ASIC2: variants seen among roughly 807,000 people sequenced by gnomAD.
ASIC2 encodes acid-sensing ion channel 2.
A neutral mutation model predicts 57.3 loss-of-function variants in ASIC2; 25 were observed. The observed-to-expected ratio is 0.44, with a 90% CI of 0.32 to 0.61. The LOEUF is 0.61. Ranked by LOEUF, ASIC2 falls within the 20% of genes least tolerant of loss-of-function variation. ASIC2 has a pLI of 0.06. For missense variants in ASIC2, 641 were observed against 738.1 expected (o/e 0.87, Z 1.52); for synonymous variants, 319 against 307.5 (o/e 1.04, Z -0.39).
intron 1 of ASIC2, among the ~76,000 whole-genome samples, chr17:33,180,632 G>A (rs904555213): frequency 6.6e-6 from 1 of 152,152 alleles, no homozygotes; most frequent in Non-Finnish European, 1.5e-5. Flanking sequence ...GCCTTGGCAG[G>A]GACTTGGGGA....
intron 1 of ASIC2, among the ~76,000 whole-genome samples, chr17:33,202,828 C>T (rs1460636147): frequency 6.6e-6 from 1 of 152,092 alleles, no homozygotes; most frequent in African/African-American, 2.4e-5. Flanking sequence ...CCTTCATTGG[C>T]CTCTCTCTAC....
intron 1 of ASIC2, among the ~76,000 whole-genome samples, chr17:33,660,009 G>A (rs997850988): frequency 4.0e-5 from 6 of 151,726 alleles, no homozygotes; most frequent in African/African-American, 1.5e-4. Context: ...GCTTGAACCC[G>A]GGAGGAGGAG....
Position 33,238,656 on chromosome 17 carries a change from C to T in ASIC2, c.708+52752G>A, listed in dbSNP as rs552806655. 4.6e-5 allele frequency among the ~76,000 whole-genome samples: 7 copies of T among 152,312 alleles called. No homozygotes were observed. The South Asian group carries it at 8.3e-4, about 18-fold the overall frequency. The stretch of plus-strand genomic sequence containing the variant: ...GCCCACTCCTGCCTCAGGGCCTTTG[C>T]GTTTGCTGTTCCCTCTGCCTGGAAT... On this transcript the variant is annotated intron_variant, in intron 1 of 9. Coordinates refer to ENST00000225823, the MANE Select transcript of ASIC2 (RefSeq NM_183377.2).
chr17:34,000,250 A>AT (rs199804905), intron 1 of ASIC2, among the ~76,000 whole-genome samples: 2,165 of 119,170 alleles, frequency 0.018, 31 homozygotes, highest in African/African-American at 0.025. Flanking sequence ...GTGGAGATCT[A>AT]TTTTTTTTTT....
chr17:33,232,328 G>A (rs1908121881), intron 1 of ASIC2, among the ~76,000 whole-genome samples: 1 of 152,142 alleles, frequency 6.6e-6, no homozygotes, highest in Admixed American at 6.5e-5. Context: ...AGCCTTCCCA[G>A]TCTCCAAATC....
chr17:33,057,107 C>T (rs1284629806), intron 3 of ASIC2, among the ~76,000 whole-genome samples: 1 of 152,104 alleles, frequency 6.6e-6, no homozygotes, highest in African/African-American at 2.4e-5. Context: ...TATTAGGGCC[C>T]TGGGCACTGA....
chr17:33,249,972 T>G (rs1362976157), intron 1 of ASIC2, among the ~76,000 whole-genome samples: 1 of 152,062 alleles, frequency 6.6e-6, no homozygotes, highest in Non-Finnish European at 1.5e-5. Context: ...GGGTCTGACT[T>G]CACAGGCCAG....
intron 1 of ASIC2, among the ~76,000 whole-genome samples, chr17:33,580,731 C>A (rs1407767770): frequency 6.6e-6 from 1 of 152,096 alleles, no homozygotes; most frequent in Non-Finnish European, 1.5e-5. Context: ...ACTCTTGCTG[C>A]GTCTCAGCTA....
intron 1 of ASIC2, among the ~76,000 whole-genome samples, chr17:33,847,930 T>C (rs1285282551): frequency 6.6e-6 from 1 of 151,950 alleles, no homozygotes; most frequent in Non-Finnish European, 1.5e-5. Flanking sequence ...TGCAAATATA[T>C]GGGGAGGAAG....
intron 1 of ASIC2, among the ~76,000 whole-genome samples, chr17:33,470,929 A>G (rs1039128802): frequency 2.1e-5 from 3 of 141,612 alleles, no homozygotes; most frequent in Admixed American, 6.9e-5. Flanking sequence ...AATCTTGCAC[A>G]TCATTTCCCC....
chr17:34,079,277 C>T (rs1909791156), intron 1 of ASIC2, among the ~76,000 whole-genome samples: 1 of 152,236 alleles, frequency 6.6e-6, no homozygotes, highest in Admixed American at 6.5e-5. Flanking sequence ...TGCCCACTCC[C>T]TCCCCCCAGT....
chr17:33,105,475 C>G (rs1188505832), intron 2 of ASIC2, among the ~76,000 whole-genome samples: 3 of 152,162 alleles, frequency 2.0e-5, no homozygotes, highest in African/African-American at 7.2e-5. Context: ...ATTACCCAGT[C>G]TTGGTTATTT....
In ASIC2 at chr17:34,040,012, C is replaced by T. The variant is rs917912513; in HGVS notation, c.555+115966G>A. 6.4e-5 allele frequency: 35 copies of T among 544,898 alleles called. No homozygotes were observed. The East Asian group carries it at 9.5e-4, about 15-fold the overall frequency. The allele number at this position is 544,898 out of a possible 1,614,324, so 33.8% of individuals were successfully genotyped here. ...GCCTCTCCTGAGCGCCGCAACCCCC[C>T]GCCCGGGCAGCCACCGCCGGCGCCG... On this transcript the variant is annotated intron_variant, in intron 1 of 9. Coordinates refer to the ASIC2 transcript ENST00000359872.
At chr17:33,297,506 A>G (rs1483102814), upstream of ASIC2, among the ~76,000 whole-genome samples, 1 of 152,094 alleles carries the variant, frequency 6.6e-6, no homozygotes, top group Non-Finnish European at 1.5e-5. Flanking sequence ...GCAAATGGTG[A>G]TAAGAGCCAC....
chr17:33,904,522 T>A (rs1915306713), intron 1 of ASIC2, among the ~76,000 whole-genome samples: 2 of 152,188 alleles, frequency 1.3e-5, no homozygotes, highest in African/African-American at 4.8e-5. Flanking sequence ...TTTGTACTTT[T>A]AAAAACTCCC....
intron 1 of ASIC2, among the ~76,000 whole-genome samples, chr17:33,823,238 G>A (rs2141894440): frequency 6.6e-6 from 1 of 152,338 alleles, no homozygotes; most frequent in Middle Eastern, 3.4e-3. Context: ...GGCAGGATGA[G>A]ATTTGAACCC....
At chr17:34,091,122 C>T (rs1910314957) in intron 1 of ASIC2, among the ~76,000 whole-genome samples, 1 of 152,244 alleles carries the variant, frequency 6.6e-6, no homozygotes, top group Non-Finnish European at 1.5e-5. Context: ...GAGATACCAA[C>T]TCCAGTCCCT....
chr17:33,890,994 G>A (rs7212703), intron 1 of ASIC2, among the ~76,000 whole-genome samples: 24,495 of 152,016 alleles, frequency 0.16, 2,020 homozygotes, highest in African/African-American at 0.21. Flanking sequence ...CAAGTGCCTC[G>A]GGTGGTCTGA....
intron 1 of ASIC2, among the ~76,000 whole-genome samples, chr17:33,764,332 A>AAT (rs1016009269): frequency 6.6e-6 from 1 of 150,440 alleles, no homozygotes; most frequent in African/African-American, 2.4e-5. Context: ...AAAAAAAAAA[A>AAT]GGCTTTGATT....
Sources: gnomAD v4.1 joint callset for allele counts (sites outside exome capture counted in the v4.1 genomes callset) on GRCh38, gnomAD v4.1.1 for gene constraint, MANE v1.5 for transcripts, NCBI Gene and HGNC (gene_info 2026-07-23, HGNC 2026-07-21) for gene names.